Variants in BCL11B observed in about 807,000 individuals in gnomAD.
BCL11B encodes BCL11 transcription factor B, also known as B-cell lymphoma/leukemia 11B.
In BCL11B, 8 loss-of-function variants were observed where a neutral mutation model predicts 49.9. The ratio of observed to expected loss-of-function variants is 0.16; its 90% confidence interval spans 0.09 to 0.29. The LOEUF is 0.29. Ranked by LOEUF, BCL11B falls within the 10% of genes least tolerant of loss-of-function variation. The pLI, the probability that BCL11B is intolerant of heterozygous loss-of-function variation, is 1.00. For missense variants in BCL11B, 1,006 were observed against 1,351.0 expected, an observed-to-expected ratio of 0.74 and a Z score of 4.00; for synonymous variants, 739 against 637.4, an observed-to-expected ratio of 1.16 and a Z score of -2.40.
chr14:99,204,819 G>C (rs143531084), intron 3 of BCL11B, among the ~76,000 whole-genome samples: 1 of 152,244 alleles, frequency 6.6e-6, no homozygotes, highest in African/African-American at 2.4e-5. Flanking sequence ...GGTCTCTGAA[G>C]GCTGTCACGA....
At chr14:99,265,880 A>C (rs1341531404) in intron 1 of BCL11B, among the ~76,000 whole-genome samples, 1 of 152,220 alleles carries the variant, frequency 6.6e-6, no homozygotes, top group Non-Finnish European at 1.5e-5. Flanking sequence ...TCTTCTGCTC[A>C]TATATTGAAC....
At chr14:99,221,030 T>C (rs1595258536) in intron 3 of BCL11B, among the ~76,000 whole-genome samples, 2 of 152,174 alleles carry the variant, frequency 1.3e-5, no homozygotes, top group Admixed American at 6.5e-5. Flanking sequence ...TTTTTTATAT[T>C]TTTAATAGAG....
intron 1 of BCL11B, among the ~76,000 whole-genome samples, chr14:99,268,377 A>G (rs1482951590): frequency 6.6e-6 from 1 of 152,130 alleles, no homozygotes; most frequent in East Asian, 1.9e-4. Context: ...TCATCCCTGA[A>G]GGACCTGAGG....
chr14:99,247,576 C>G lies in BCL11B; in HGVS notation c.427+9895G>C, dbSNP rs147118517. Among the ~76,000 whole-genome samples, 1 of 152,332 alleles carries G rather than the reference C, an allele frequency of 6.6e-6. No homozygotes were observed. The highest frequency in any genetic ancestry group is 1.5e-5 in the Non-Finnish European group (1 of 68,036). On this transcript the variant is annotated intron_variant, in intron 2 of 3. Transcript: ENST00000357195. The surrounding 1 kb of genome is among the most constrained non-coding windows in gnomAD (Gnocchi z 4.5). ...GGCTACACTCTCCAGGAGGTGTGCT[C>G]TACCCTGAAAAAGGCTTTGAAATAA... is the stretch of plus-strand genomic sequence containing the variant.
intron 3 of BCL11B, among the ~76,000 whole-genome samples, chr14:99,191,983 T>G (rs1264683125): frequency 1.3e-5 from 2 of 152,208 alleles, no homozygotes; most frequent in Non-Finnish European, 2.9e-5. Flanking sequence ...CTTAAGTGAT[T>G]TTTTTAAAAA....
intron 3 of BCL11B, among the ~76,000 whole-genome samples, chr14:99,202,623 G>C (rs578018717): frequency 9.9e-4 from 151 of 152,314 alleles, no homozygotes; most frequent in African/African-American, 3.4e-3. Flanking sequence ...GAGAGAGGGA[G>C]GCAGGGCCCA....
intron 3 of BCL11B, among the ~76,000 whole-genome samples, chr14:99,199,278 C>T (rs1334105712): frequency 6.6e-6 from 1 of 152,162 alleles, no homozygotes; most frequent in African/African-American, 2.4e-5. Context: ...CTCATTTTCT[C>T]CCATGCTCCT....
chr14:99,234,097 G>A (rs921798453), intron 2 of BCL11B, among the ~76,000 whole-genome samples: 3 of 152,098 alleles, frequency 2.0e-5, no homozygotes, highest in Admixed American at 1.3e-4. Context: ...GATACGAAAT[G>A]TTCATAAGAG....
Position 99,248,855 on chromosome 14 carries a change from C to T in BCL11B, c.427+8616G>A, listed in dbSNP as rs1402687355. Among the ~76,000 whole-genome samples the T allele has an allele frequency of 6.6e-6, 1 of 152,118 alleles. No homozygotes were observed. Among genetic ancestry groups the T allele is most frequent in the Non-Finnish European group, 1.5e-5 (1 of 68,026 alleles). On this transcript the variant is annotated intron_variant, in intron 2 of 3. Transcript: ENST00000357195. This position sits in a 1 kb window ranked among gnomAD's most constrained non-coding sequence, Gnocchi z 4.7. Reference sequence around the variant, plus strand: ...CACATTTCAGCCCAGCAGGCTCAGCCCCAGAGACGGGGAAGATCTGTCTGC... The same window carrying T: ...CACATTTCAGCCCAGCAGGCTCAGCTCCAGAGACGGGGAAGATCTGTCTGC...
chr14:99,240,408 A>T (rs930720080), intron 2 of BCL11B, among the ~76,000 whole-genome samples: 2 of 152,130 alleles, frequency 1.3e-5, no homozygotes, highest in Non-Finnish European at 2.9e-5. Flanking sequence ...ATGGACTTAT[A>T]GAAGACCGAG....
rs1038902754 is a variant in BCL11B at position 99,195,748 on chromosome 14, G to A, written c.641-19553C>T. Among the ~76,000 whole-genome samples the A allele has an allele frequency of 5.9e-5, 9 of 152,080 alleles. No individual in the cohort carries two copies. The highest frequency in any genetic ancestry group is 1.3e-4 in the Non-Finnish European group (9 of 68,014). On this transcript the variant is annotated intron_variant, in intron 3 of 3. Coordinates refer to ENST00000357195, the MANE Select transcript of BCL11B (RefSeq NM_138576.4). The surrounding 1 kb of genome is among the most constrained non-coding windows in gnomAD (Gnocchi z 4.7). ...AAGGATAACAGGCCCCTACAGAGTGGGAGCCTCGTCCCAGTCATTCCTGTC... is the reference window on the plus strand; with the variant it reads ...AAGGATAACAGGCCCCTACAGAGTGAGAGCCTCGTCCCAGTCATTCCTGTC...
Position 99,195,213 on chromosome 14 carries a change from T to C in BCL11B, c.641-19018A>G, listed in dbSNP as rs994735500. Among the ~76,000 whole-genome samples the C allele has an allele frequency of 1.3e-5, 2 of 152,136 alleles. No individual in the cohort carries two copies. Among genetic ancestry groups the C allele is most frequent in the Non-Finnish European group, 2.9e-5 (2 of 68,022 alleles). On this transcript the variant is annotated intron_variant, in intron 3 of 3. Transcript: ENST00000357195. This position sits in a 1 kb window ranked among gnomAD's most constrained non-coding sequence, Gnocchi z 4.7. ...AGGAAAATATGTGGAGCGAACTACC[T>C]GGCTTCCTGACCTGTACTTTCAAGC... is the stretch of plus-strand genomic sequence containing the variant.
Position 99,171,061 on chromosome 14 carries a change from A to T in BCL11B, c.*3090T>A. Reference sequence around the variant, plus strand: ...TGGCCTCTTAGAGAAAGGGAGGACGATGTGGAATGTTACTGACATCTTTAC... The same window carrying T: ...TGGCCTCTTAGAGAAAGGGAGGACGTTGTGGAATGTTACTGACATCTTTAC... On this transcript the variant is annotated 3_prime_UTR_variant, in exon 4 of 4. Coordinates refer to ENST00000357195, the MANE Select transcript of BCL11B (RefSeq NM_138576.4). 4.3e-6 allele frequency: 1 copy of T among 230,746 alleles called. No homozygotes were observed. The highest frequency in any genetic ancestry group is 8.6e-6 in the Non-Finnish European group (1 of 116,234). The allele number at this position is 230,746 out of a possible 1,614,324, so 14.3% of individuals were successfully genotyped here.
In BCL11B at chr14:99,194,205, C is replaced by T. The variant is rs1887116495; in HGVS notation, c.641-18010G>A. 6.6e-6 allele frequency among the ~76,000 whole-genome samples: 1 copy of T among 152,196 alleles called. No individual in the cohort carries two copies. The highest frequency in any genetic ancestry group is 1.5e-5 in the Non-Finnish European group (1 of 68,026). ...ACAGGGCGACCACCTGGACACCTGTCCTCCCTCCTCACAGCCCCAGCACAG... is the reference window on the plus strand; with the variant it reads ...ACAGGGCGACCACCTGGACACCTGTTCTCCCTCCTCACAGCCCCAGCACAG... On this transcript the variant is annotated intron_variant, in intron 3 of 3. Coordinates refer to ENST00000357195, the MANE Select transcript of BCL11B (RefSeq NM_138576.4). This position sits in a 1 kb window ranked among gnomAD's most constrained non-coding sequence, Gnocchi z 4.6.
chr14:99,238,999 G>A (rs1152785), intron 2 of BCL11B, among the ~76,000 whole-genome samples: 113,391 of 151,988 alleles, frequency 0.75, 42,981 homozygotes, highest in Non-Finnish European at 0.79. Flanking sequence ...ACATATGCAT[G>A]TGCACATACA....
chr14:99,238,140 G>A (rs1888559243), intron 2 of BCL11B, among the ~76,000 whole-genome samples: 1 of 151,934 alleles, frequency 6.6e-6, no homozygotes, highest in Non-Finnish European at 1.5e-5. Flanking sequence ...CACACCTCAG[G>A]GAGCACCCTG....
At chr14:99,215,721 C>T (rs1326857995) in intron 3 of BCL11B, among the ~76,000 whole-genome samples, 1 of 152,186 alleles carries the variant, frequency 6.6e-6, no homozygotes, top group East Asian at 1.9e-4. Flanking sequence ...TGCTTTCAGC[C>T]AATCCCTTCT....
chr14:99,214,201 T>A (rs1887765783), intron 3 of BCL11B, among the ~76,000 whole-genome samples: 1 of 152,086 alleles, frequency 6.6e-6, no homozygotes, highest in Admixed American at 6.5e-5. Flanking sequence ...CCAGGGACAC[T>A]CCAGCCTACT....
intron 3 of BCL11B, among the ~76,000 whole-genome samples, chr14:99,199,679 T>TGCGCGCGCGCGC (rs1416553945): frequency 4.3e-5 from 3 of 69,906 alleles, no homozygotes; most frequent in African/African-American, 1.3e-4. Flanking sequence ...TGTGTGTGTG[T>TGCGCGCGCGCGC]GTGTGCGCGC....
Sources: gnomAD v4.1 joint callset for allele counts (sites outside exome capture counted in the v4.1 genomes callset) on GRCh38, gnomAD v4.1.1 for gene constraint, Gnocchi (gnomAD v3.1) non-coding constraint, MANE v1.5 for transcripts, NCBI Gene and HGNC (gene_info 2026-07-23, HGNC 2026-07-21) for gene names.